The following CFAP47 variants were observed in gnomAD, a reference collection of about 807,000 sequenced individuals.
The protein encoded by CFAP47 is cilia- and flagella-associated protein 47.
CFAP47 carries 29 observed loss-of-function variants against 148.1 expected under a neutral mutation model. The ratio of observed to expected loss-of-function variants is 0.20; its 90% CI spans 0.15 to 0.27. The LOEUF is 0.27. CFAP47 is among the 10% of genes least tolerant of loss of function. CFAP47 has a pLI of 1.00. For synonymous variants in CFAP47, 664 were observed against 577.3 expected, an observed-to-expected ratio of 1.15 and a Z score of -2.15; for missense variants, 1,872 against 1,697.5, an observed-to-expected ratio of 1.10 and a Z score of -1.81.
At chrX:36,152,621 G>T (rs1172842528) in intron 37 of CFAP47, among the ~76,000 whole-genome samples, 1 of 111,433 alleles carries the variant, frequency 9.0e-6, no homozygotes, top group African/African-American at 3.3e-5. Context: ...GCCCTTCCTT[G>T]TTCCTAGCCA....
intron 1 of CFAP47, 94 bp from the exon 2 acceptor site, chrX:35,925,923 G>T: frequency 1.4e-6 from 1 of 728,518 alleles, no homozygotes; most frequent in Non-Finnish European, 2.0e-6. Context: ...CCAAAGTGCT[G>T]GGATTACAGG....
chrX:36,084,860 G>C (rs1443098299), intron 29 of CFAP47, among the ~76,000 whole-genome samples: 3 of 111,512 alleles, frequency 2.7e-5, no homozygotes, highest in Admixed American at 9.6e-5. Context: ...GAGAAAATGT[G>C]TGTACATTAT....
chrX:36,046,167 C>A (rs1179004429), intron 25 of CFAP47, among the ~76,000 whole-genome samples: 1 of 109,712 alleles, frequency 9.1e-6, no homozygotes, highest in Non-Finnish European at 1.9e-5. Flanking sequence ...CTCTTATCTG[C>A]CATAGATATG....
chrX:36,335,720 G>A (rs1438781126), intron 57 of CFAP47, among the ~76,000 whole-genome samples: 3 of 111,742 alleles, frequency 2.7e-5, no homozygotes, highest in South Asian at 7.4e-4. Flanking sequence ...TGGGGTAGGA[G>A]TTGGTGGTGG....
At chrX:35,995,362 A>G (rs1389634916) in intron 18 of CFAP47, among the ~76,000 whole-genome samples, 1 of 111,812 alleles carries the variant, frequency 8.9e-6, no homozygotes, top group African/African-American at 3.2e-5. Context: ...AAGAGGTAGG[A>G]GTTTTAACTA....
chrX:36,334,568 G>T (rs1290097764), intron 57 of CFAP47, among the ~76,000 whole-genome samples: 1 of 110,905 alleles, frequency 9.0e-6, no homozygotes, highest in Non-Finnish European at 1.9e-5. Flanking sequence ...CCTAAAAATT[G>T]ATGACACCTG....
At chrX:35,973,283 G>C (rs916239939) in intron 13 of CFAP47, among the ~76,000 whole-genome samples, 1 of 110,697 alleles carries the variant, frequency 9.0e-6, no homozygotes, top group African/African-American at 3.3e-5. Context: ...TCTGCCTCCC[G>C]GGTTCATGCC....
At chrX:36,071,678 G>A in intron 27 of CFAP47, 147 bp from the exon 28 acceptor site, 1 of 395,690 alleles carries the variant, frequency 2.5e-6, no homozygotes, top group East Asian at 4.7e-5. Flanking sequence ...TGGGTGTTTA[G>A]ACTTTTTTTT....
chrX:36,279,861 C>T (rs1556003296), intron 49 of CFAP47, among the ~76,000 whole-genome samples: 1 of 109,744 alleles, frequency 9.1e-6, no homozygotes, highest in African/African-American at 3.3e-5. Flanking sequence ...TGTGCCACCA[C>T]GCCTGGCTAA....
At chrX:36,202,164 A>G (rs1303547510) in intron 44 of CFAP47, among the ~76,000 whole-genome samples, 2 of 111,377 alleles carry the variant, frequency 1.8e-5, no homozygotes, top group South Asian at 7.5e-4. Context: ...TATTGCTATT[A>G]ACTATTGCTA....
intron 27 of CFAP47, among the ~76,000 whole-genome samples, chrX:36,068,146 A>G (rs1021180047): frequency 9.0e-6 from 1 of 111,632 alleles, no homozygotes; most frequent in Non-Finnish European, 1.9e-5. Flanking sequence ...GAGCATCTTG[A>G]TCTTTACTGA....
intron 45 of CFAP47, chrX:36,211,415 C>CT: frequency 4.2e-6 from 1 of 239,030 alleles, no homozygotes; most frequent in South Asian, 6.1e-5. Context: ...CTCCTTCGGC[C>CT]TTTTTTCTGT....
chrX:36,092,444 A>G (rs1193500065), intron 30 of CFAP47, among the ~76,000 whole-genome samples: 1 of 110,907 alleles, frequency 9.0e-6, no homozygotes, highest in Non-Finnish European at 1.9e-5. Flanking sequence ...TGATTACTGC[A>G]TTGACTACAA....
chrX:36,134,381 C>T (rs66567632), intron 33 of CFAP47, among the ~76,000 whole-genome samples: 15,707 of 110,634 alleles, frequency 0.14, 2,356 homozygotes, highest in African/African-American at 0.45. Context: ...GGAAGAAATT[C>T]TGAAACTACG....
chrX:36,225,238 CAT>C (rs1365722224), intron 45 of CFAP47, among the ~76,000 whole-genome samples: 5 of 111,855 alleles, frequency 4.5e-5, no homozygotes, highest in Non-Finnish European at 9.4e-5. Flanking sequence ...ACCCACATAA[CAT>C]ATGTCTAAAT....
At chrX:35,977,930 T>A (rs1936592122) in intron 15 of CFAP47, among the ~76,000 whole-genome samples, 1 of 111,896 alleles carries the variant, frequency 8.9e-6, no homozygotes, top group African/African-American at 3.2e-5. Context: ...TTCTTATTAA[T>A]GTGGATTGAT....
intron 26 of CFAP47, among the ~76,000 whole-genome samples, chrX:36,058,057 T>C (rs975630230): frequency 8.9e-6 from 1 of 112,000 alleles, no homozygotes. Context: ...ACATCTGACT[T>C]CCATGAACAT....
chrX:36,276,809 C>G, intron 49 of CFAP47, among the ~76,000 whole-genome samples: 1 of 111,794 alleles, frequency 8.9e-6, no homozygotes, highest in Admixed American at 9.5e-5. Context: ...GGATTAATGT[C>G]CAGAAGTAAC....
chrX:36,170,351 G>T (rs1025784623), intron 39 of CFAP47, among the ~76,000 whole-genome samples: 17 of 110,805 alleles, frequency 1.5e-4, no homozygotes, highest in African/African-American at 2.0e-4. Context: ...ACAATGTGCA[G>T]GTTAGTTACA....
Sources: allele counts gnomAD v4.1 joint callset (sites outside exome capture counted in the v4.1 genomes callset), GRCh38; gene constraint gnomAD v4.1.1; transcripts MANE v1.5; gene names NCBI Gene and HGNC (gene_info 2026-07-23, HGNC 2026-07-21).